The following IPCEF1 variants were observed in gnomAD, a reference collection of about 807,000 sequenced individuals.
The protein encoded by IPCEF1 is interactor protein for cytohesin exchange factors 1.
Under a neutral mutation model 50.9 loss-of-function variants are expected in IPCEF1, and 31 were observed. The ratio of observed to expected loss-of-function variants is 0.61; its 90% CI spans 0.46 to 0.82. IPCEF1 has a LOEUF of 0.82. Among genes scored for constraint, IPCEF1 ranks in the 40% least tolerant of loss-of-function variants. The probability of loss-of-function intolerance (pLI) is 0.00; values close to 1 mark genes in which losing one functional copy is unlikely to be tolerated. For synonymous variants in IPCEF1, 181 were observed against 192.0 expected (o/e 0.94, Z 0.47); for missense variants, 458 against 514.0 (o/e 0.89, Z 1.05).
chr6:154,220,661 T>G lies in IPCEF1; in HGVS notation c.392+596A>C, dbSNP rs73567173. 4.0e-3 allele frequency among the ~76,000 whole-genome samples: 607 copies of G among 152,130 alleles called. 5 individuals are homozygous for G. The highest frequency in any genetic ancestry group is 0.014 in the African/African-American group (576 of 41,500). ...TCTCAAAAATAAATAAATAAATAAA[T>G]AACAGCTATTGTGATCACACCTGAC... On this transcript the variant is annotated intron_variant, in intron 7 of 11. Coordinates refer to ENST00000367220, the MANE Select transcript of IPCEF1 (RefSeq NM_001130700.2).
intron 5 of IPCEF1, among the ~76,000 whole-genome samples, chr6:154,234,668 C>A (rs1779978277): frequency 6.6e-6 from 1 of 152,260 alleles, no homozygotes; most frequent in East Asian, 1.9e-4. Flanking sequence ...TGTAAGTCAC[C>A]TCTTCTAGCT....
chr6:154,340,362 C>T (rs148832406), intron 1 of IPCEF1, among the ~76,000 whole-genome samples: 15,273 of 151,820 alleles, frequency 0.1, 976 homozygotes, highest in South Asian at 0.3. Context: ...GCAATTCTCC[C>T]GCCCCAACCT....
intron 1 of IPCEF1, among the ~76,000 whole-genome samples, chr6:154,349,388 A>AT (rs1395033308): frequency 9.6e-5 from 14 of 146,160 alleles, no homozygotes; most frequent in Middle Eastern, 3.4e-3. Context: ...ATTTTATTTT[A>AT]TTTATTTATT....
intron 5 of IPCEF1, 75 bp from the exon 6 acceptor site, chr6:154,223,318 G>T: frequency 9.0e-7 from 1 of 1,106,538 alleles, no homozygotes; most frequent in Non-Finnish European, 1.3e-6. Flanking sequence ...TCATATACAT[G>T]GAATAGGGAT....
At chr6:154,255,780 T>A (rs1349996379) in intron 3 of IPCEF1, among the ~76,000 whole-genome samples, 2 of 152,088 alleles carry the variant, frequency 1.3e-5, no homozygotes, top group African/African-American at 4.8e-5. Context: ...CTAATACTCT[T>A]TTTTGAAAGT....
At chr6:154,335,417 T>C (rs1171749087) in intron 1 of IPCEF1, among the ~76,000 whole-genome samples, 3 of 152,228 alleles carry the variant, frequency 2.0e-5, no homozygotes. Flanking sequence ...TTTTCTCCAG[T>C]TAATCTGCCT....
intron 3 of IPCEF1, among the ~76,000 whole-genome samples, chr6:154,256,536 C>CGT: frequency 8.8e-6 from 1 of 113,794 alleles, no homozygotes; most frequent in East Asian, 2.2e-4. Context: ...TCTCTGTCTC[C>CGT]GTCTCTCTCT....
chr6:154,321,613 A>C (rs1783377686), intron 1 of IPCEF1, among the ~76,000 whole-genome samples: 2 of 151,892 alleles, frequency 1.3e-5, no homozygotes, highest in Non-Finnish European at 2.9e-5. Flanking sequence ...CCCCATCTTT[A>C]CTAAAAATAC....
At chr6:154,344,105 T>A (rs1783976944) in intron 1 of IPCEF1, among the ~76,000 whole-genome samples, 1 of 152,244 alleles carries the variant, frequency 6.6e-6, no homozygotes, top group Non-Finnish European at 1.5e-5. Context: ...TAAAACTGGC[T>A]GGTATCCACC....
intron 1 of IPCEF1, among the ~76,000 whole-genome samples, chr6:154,344,198 C>A (rs964111148): frequency 4.6e-5 from 7 of 152,122 alleles, no homozygotes; most frequent in Admixed American, 3.3e-4. Flanking sequence ...TTTCTTCTCC[C>A]TTTTCTCTTG....
intron 10 of IPCEF1, among the ~76,000 whole-genome samples, chr6:154,187,211 GACTACCA>G (rs965466861): frequency 4.0e-5 from 6 of 151,558 alleles, no homozygotes; most frequent in African/African-American, 1.5e-4. Flanking sequence ...GATTTTCCAG[GACTACCA>G]ATGTAAAATC....
chr6:154,198,215 T>C (rs972290843), intron 10 of IPCEF1, among the ~76,000 whole-genome samples: 3 of 152,206 alleles, frequency 2.0e-5, no homozygotes, highest in Admixed American at 6.5e-5. Flanking sequence ...CTATCTCCTT[T>C]TGACTTGCAC....
chr6:154,226,266 T>C (rs1396673468), intron 5 of IPCEF1, among the ~76,000 whole-genome samples: 2 of 152,148 alleles, frequency 1.3e-5, no homozygotes, highest in East Asian at 1.9e-4. Flanking sequence ...AAAATCCATA[T>C]CTCAAACTGG....
At chr6:154,253,236 C>G (rs1194672407) in intron 3 of IPCEF1, among the ~76,000 whole-genome samples, 1 of 152,066 alleles carries the variant, frequency 6.6e-6, no homozygotes, top group Non-Finnish European at 1.5e-5. Context: ...CAGGGTCTCG[C>G]TCTGTTTCCC....
intron 1 of IPCEF1, among the ~76,000 whole-genome samples, chr6:154,335,209 A>C (rs975562659): frequency 1.4e-4 from 21 of 152,268 alleles, no homozygotes; most frequent in African/African-American, 5.1e-4. Flanking sequence ...TTCCAGTTCC[A>C]AAGATAACTA....
intron 2 of IPCEF1, among the ~76,000 whole-genome samples, chr6:154,276,325 A>G (rs1782061940): frequency 3.3e-5 from 1 of 30,508 alleles, no homozygotes; most frequent in South Asian, 1.6e-3. Context: ...GAGGGAGGGA[A>G]GGAGGAAATA....
At chr6:154,209,050 G>A (rs915698762) in intron 9 of IPCEF1, among the ~76,000 whole-genome samples, 1 of 152,124 alleles carries the variant, frequency 6.6e-6, no homozygotes. Flanking sequence ...TTATTATCTC[G>A]TGAAATGTCA....
chr6:154,289,232 G>C (rs1782450125), intron 2 of IPCEF1, among the ~76,000 whole-genome samples: 2 of 151,716 alleles, frequency 1.3e-5, no homozygotes, highest in Non-Finnish European at 1.5e-5. Flanking sequence ...AACTTTAGAG[G>C]TGGGGACATC....
intron 2 of IPCEF1, among the ~76,000 whole-genome samples, chr6:154,271,900 T>A (rs1781910701): frequency 6.6e-6 from 1 of 152,192 alleles, no homozygotes; most frequent in Non-Finnish European, 1.5e-5. Context: ...GGTGGGAGGA[T>A]TGCTTGAGCC....
Sources: gnomAD v4.1 joint callset for allele counts (sites outside exome capture counted in the v4.1 genomes callset) on GRCh38, gnomAD v4.1.1 for gene constraint, MANE v1.5 for transcripts, NCBI Gene and HGNC (gene_info 2026-07-23, HGNC 2026-07-21) for gene names.